Variants in PCDHGB2 observed in about 807,000 individuals in gnomAD.
The protein encoded by PCDHGB2 is protocadherin gamma subfamily B, 2, also known as protocadherin gamma-B2.
Under a neutral mutation model 59.3 loss-of-function variants are expected in PCDHGB2, and 55 were observed. That is an observed-to-expected ratio of 0.93 (90% CI 0.75 to 1.16). The LOEUF (loss-of-function observed/expected upper bound fraction) is 1.16. Ranked by LOEUF, PCDHGB2 falls within the 50% of genes most tolerant of loss-of-function variation. The pLI is 0.00. For missense variants in PCDHGB2, 1,228 were observed against 1,198.5 expected (o/e 1.02, Z -0.36); for synonymous variants, 516 against 512.0 (o/e 1.01, Z -0.11).
intron 1 of PCDHGB2, chr5:141,384,141 ACT>A (rs765902130): frequency 2.4e-5 from 38 of 1,612,656 alleles, no homozygotes; most frequent in Admixed American, 1.8e-4. Context: ...ACCGGGAAAC[ACT>A]CTCTTTGTAT....
intron 1 of PCDHGB2, chr5:141,478,925 G>T: frequency 1.4e-6 from 1 of 700,562 alleles, no homozygotes; most frequent in Non-Finnish European, 2.2e-6. Context: ...TCTAACCAGT[G>T]GCAGCTTCTA....
intron 1 of PCDHGB2, chr5:141,415,349 A>G (rs921019257): frequency 1.2e-6 from 2 of 1,614,220 alleles, no homozygotes; most frequent in Non-Finnish European, 1.7e-6. Flanking sequence ...CGCTGGCACA[A>G]GTCACGCCTG....
chr5:141,413,352 G>A (rs896091511), intron 1 of PCDHGB2: 1 of 1,613,976 alleles, frequency 6.2e-7, no homozygotes, highest in African/African-American at 1.3e-5. Flanking sequence ...TGGGTCTGGC[G>A]CCCCGGGAGC....
chr5:141,364,500 A>G, intron 1 of PCDHGB2: 7 of 1,614,008 alleles, frequency 4.3e-6, no homozygotes, highest in Non-Finnish European at 5.9e-6. Flanking sequence ...CTGGAGCCCC[A>G]GGAGCTGGCG....
chr5:141,433,090 C>T, intron 1 of PCDHGB2: 2 of 1,614,210 alleles, frequency 1.2e-6, no homozygotes, highest in Non-Finnish European at 1.7e-6. Flanking sequence ...ACTATGCAGA[C>T]ATGCTCGTCA....
At chr5:141,459,703 T>G (rs2098973426) in intron 1 of PCDHGB2, among the ~76,000 whole-genome samples, 1 of 152,226 alleles carries the variant, frequency 6.6e-6, no homozygotes, top group African/African-American at 2.4e-5. Context: ...CTTGCTACAT[T>G]TTCTCACCAA....
chr5:141,414,351 G>A (rs771256149), intron 1 of PCDHGB2: 16 of 1,613,676 alleles, frequency 9.9e-6, no homozygotes, highest in South Asian at 6.6e-5. Flanking sequence ...CCATTTTGGC[G>A]TATCTACCAT....
At chr5:141,383,426 G>A (rs72790024) in intron 1 of PCDHGB2, 89,880 of 1,613,866 alleles carry the variant, frequency 0.056, 3,017 homozygotes, top group African/African-American at 0.15. Context: ...AGCCCCAATC[G>A]CCACTTCTCC....
At chr5:141,423,238 G>A (rs765040062) in intron 1 of PCDHGB2, 3 of 1,613,778 alleles carry the variant, frequency 1.9e-6, no homozygotes, top group South Asian at 1.1e-5. Flanking sequence ...CAGCATCCCC[G>A]AAGTCCTGGC....
intron 1 of PCDHGB2, among the ~76,000 whole-genome samples, chr5:141,434,452 G>T (rs2097695209): frequency 6.6e-6 from 1 of 152,334 alleles, no homozygotes; most frequent in African/African-American, 2.4e-5. Flanking sequence ...CTGGAAGGTA[G>T]TGGGTTTACC....
At chr5:141,447,656 C>T (rs1352103605) in intron 1 of PCDHGB2, among the ~76,000 whole-genome samples, 1 of 152,056 alleles carries the variant, frequency 6.6e-6, no homozygotes, top group Non-Finnish European at 1.5e-5. Flanking sequence ...ATTTTCCCCC[C>T]CAGGAAGTTA....
chr5:141,393,108 A>G (rs1318511234), intron 1 of PCDHGB2: 6 of 1,613,438 alleles, frequency 3.7e-6, no homozygotes, highest in Non-Finnish European at 5.1e-6. Context: ...CTGCGCTCAG[A>G]GCCCGCGGTG....
chr5:141,484,549 G>A (rs939394402), intron 1 of PCDHGB2, among the ~76,000 whole-genome samples: 1 of 152,162 alleles, frequency 6.6e-6, no homozygotes, highest in African/African-American at 2.4e-5. Context: ...GTTCTAATTA[G>A]CAGTTGCTCC....
In PCDHGB2 at chr5:141,476,178, T is replaced by G; in HGVS notation, c.2422-18629T>G. Reference sequence around the variant, plus strand: ...ACCGGGAGGGTAGTGGGAGTTTTGCTTCTGCTTGGTGCCTTGAACAAGGCT... The same window carrying G: ...ACCGGGAGGGTAGTGGGAGTTTTGCGTCTGCTTGGTGCCTTGAACAAGGCT... On this transcript the variant is annotated intron_variant, in intron 1 of 3. Transcript: ENST00000522605. This position sits in a 1 kb window ranked among gnomAD's most constrained non-coding sequence, Gnocchi z 7.6. The G allele has an allele frequency of 3.1e-6, 5 of 1,613,632 alleles. No homozygotes were observed. Among genetic ancestry groups the G allele is most frequent in the Non-Finnish European group, 4.2e-6 (5 of 1,180,000 alleles).
chr5:141,393,013 T>A (rs754075095), intron 1 of PCDHGB2: 1 of 1,613,694 alleles, frequency 6.2e-7, no homozygotes, highest in African/African-American at 1.3e-5. Context: ...GTCCGTATCG[T>A]CTCCAGAGGT....
chr5:141,501,666 T>C (rs2099810374), intron 2 of PCDHGB2, among the ~76,000 whole-genome samples: 1 of 152,142 alleles, frequency 6.6e-6, no homozygotes. Context: ...TTGGAAAATA[T>C]AGATAATCAC....
At chr5:141,370,225 C>T in intron 1 of PCDHGB2, 1 of 577,904 alleles carries the variant, frequency 1.7e-6, no homozygotes. Flanking sequence ...CCGCTGCAGC[C>T]AGCTCGGAAG....
chr5:141,366,556 C>A (rs1764642074), intron 1 of PCDHGB2: 1 of 1,614,234 alleles, frequency 6.2e-7, no homozygotes, highest in Non-Finnish European at 8.5e-7. Flanking sequence ...ACTTTGTGGG[C>A]GTGGATGGGG....
chr5:141,507,012 G>A (rs2099857902), intron 3 of PCDHGB2: 1 of 152,208 alleles, frequency 6.6e-6, no homozygotes, highest in Admixed American at 6.5e-5. Flanking sequence ...AGAGAACCGA[G>A]AAGGCACTTG....
Sources: gnomAD v4.1 joint callset for allele counts (sites outside exome capture counted in the v4.1 genomes callset) on GRCh38, gnomAD v4.1.1 for gene constraint, Gnocchi (gnomAD v3.1) non-coding constraint, MANE v1.5 for transcripts, NCBI Gene and HGNC (gene_info 2026-07-23, HGNC 2026-07-21) for gene names.